Variants in CDK5RAP2 observed in about 807,000 individuals in gnomAD.
The protein encoded by CDK5RAP2 is CDK5 regulatory subunit-associated protein 2.
In CDK5RAP2, 147 loss-of-function variants were observed where a neutral mutation model predicts 232.9. The observed-to-expected ratio is 0.63, with a 90% CI of 0.55 to 0.72. CDK5RAP2 has a LOEUF of 0.72. CDK5RAP2 is among the 30% of genes least tolerant of loss of function. The probability of loss-of-function intolerance (pLI) is 0.00; values close to 1 mark genes in which losing one functional copy is unlikely to be tolerated. For synonymous variants in CDK5RAP2, 833 were observed against 833.7 expected (o/e 1.00, Z 0.01); for missense variants, 2,195 against 2,231.5 (o/e 0.98, Z 0.33).
At chr9:120,528,510 C>A (rs1444393591) in intron 9 of CDK5RAP2, among the ~76,000 whole-genome samples, 1 of 152,126 alleles carries the variant, frequency 6.6e-6, no homozygotes, top group Non-Finnish European at 1.5e-5. Flanking sequence ...AGGCAAGTGA[C>A]CTCACCTCTC....
Position 120,546,079 on chromosome 9 carries a change from A to T in CDK5RAP2, c.307-289T>A, listed in dbSNP as rs111755029. Among the ~76,000 whole-genome samples the T allele has an allele frequency of 8.7e-3, 1,331 of 152,328 alleles. 19 individuals carry two copies. The highest frequency in any genetic ancestry group is 0.03 in the African/African-American group (1,243 of 41,558). ...AAATATCAAGGCATAAATGTCATAC[A>T]AGGAAGGCTGATTTAAAAATTGTAT... On this transcript the variant is annotated intron_variant, in intron 4 of 37. Transcript: ENST00000349780.
chr9:120,394,206 G>A (rs1017551097), intron 36 of CDK5RAP2, among the ~76,000 whole-genome samples: 2 of 152,116 alleles, frequency 1.3e-5, no homozygotes, highest in South Asian at 2.1e-4. Context: ...CCACCTTGCC[G>A]GGACAGAGTG....
rs536738573 is a variant in CDK5RAP2, at chr9:120,514,429, T to G, written c.1311+3998A>C. ...AATAAGCATGTGACCCAAATTGGGA[T>G]TCTCAGTACATCACCCGTCTGGCCA... is the stretch of plus-strand genomic sequence containing the variant. On this transcript the variant is annotated intron_variant, in intron 12 of 37. Transcript: ENST00000349780. Among the ~76,000 whole-genome samples, 43 of 152,258 alleles carry G rather than the reference T, an allele frequency of 2.8e-4. No homozygotes were observed. The South Asian group carries it at 8.5e-3, about 30-fold the overall frequency.
chr9:120,553,744 A>G (rs4837779), intron 3 of CDK5RAP2, among the ~76,000 whole-genome samples: 128,305 of 152,164 alleles, frequency 0.84, 55,175 homozygotes, highest in Non-Finnish European at 0.93. Flanking sequence ...TGTATGTTAC[A>G]TTTCTTTTAA....
intron 14 of CDK5RAP2, among the ~76,000 whole-genome samples, chr9:120,479,305 G>A (rs2490595): frequency 0.022 from 3,342 of 152,046 alleles, 108 homozygotes; most frequent in African/African-American, 0.073. Flanking sequence ...ATCACCCTTC[G>A]CCAACCATCA....
intron 4 of CDK5RAP2, among the ~76,000 whole-genome samples, chr9:120,548,119 A>G (rs535968511): frequency 4.6e-5 from 7 of 152,342 alleles, no homozygotes; most frequent in African/African-American, 1.4e-4. Context: ...CTGTCAAACA[A>G]CAAGAATTAA....
At chr9:120,557,078 T>C (rs2042255649) in intron 3 of CDK5RAP2, among the ~76,000 whole-genome samples, 1 of 152,230 alleles carries the variant, frequency 6.6e-6, no homozygotes, top group East Asian at 1.9e-4. Context: ...AGAATATTTG[T>C]CCTATTTATA....
intron 25 of CDK5RAP2, among the ~76,000 whole-genome samples, chr9:120,434,174 A>G (rs997200003): frequency 6.6e-6 from 1 of 152,182 alleles, no homozygotes; most frequent in African/African-American, 2.4e-5. Context: ...GCTATTTCAT[A>G]AAGAGCTGTC....
At chr9:120,504,472 A>G (rs1322001817) in intron 12 of CDK5RAP2, among the ~76,000 whole-genome samples, 1 of 152,170 alleles carries the variant, frequency 6.6e-6, no homozygotes, top group Non-Finnish European at 1.5e-5. Flanking sequence ...AGTACTAAGA[A>G]AGGTATTCCT....
At position 120,562,501 on chromosome 9, in the gene CDK5RAP2, G is replaced by A. The variant is rs1402844462; in HGVS notation, c.195+5820C>T. Among the ~76,000 whole-genome samples the A allele has an allele frequency of 2.6e-5, 4 of 152,100 alleles. No homozygotes were observed. The East Asian group carries it at 7.7e-4, about 29-fold the overall frequency. ...CGTCAGGCTATATGTTGTGCACAGAGCTCCGTGGAAAGTGGCTATGACACT... is the reference window on the plus strand; with the variant it reads ...CGTCAGGCTATATGTTGTGCACAGAACTCCGTGGAAAGTGGCTATGACACT... On this transcript the variant is annotated intron_variant, in intron 3 of 37. Transcript: ENST00000349780.
At chr9:120,428,238 G>A (rs2035042566) in intron 25 of CDK5RAP2, among the ~76,000 whole-genome samples, 2 of 151,918 alleles carry the variant, frequency 1.3e-5, no homozygotes, top group Admixed American at 6.6e-5. Context: ...CTAGCAGAAG[G>A]CAAGAAATAA....
intron 25 of CDK5RAP2, 127 bp from the exon 26 acceptor site, chr9:120,422,868 G>C (rs917980980): frequency 2.8e-6 from 2 of 725,582 alleles, no homozygotes; most frequent in Admixed American, 2.0e-5. Context: ...AACAATCCTG[G>C]ATATTTAAAG....
At chr9:120,506,994 T>C (rs1018179649) in intron 12 of CDK5RAP2, among the ~76,000 whole-genome samples, 25 of 152,158 alleles carry the variant, frequency 1.6e-4, no homozygotes, top group Non-Finnish European at 5.9e-5. Context: ...TTACATGCCA[T>C]AGAGAAATAT....
intron 1 of CDK5RAP2, among the ~76,000 whole-genome samples, chr9:120,572,650 A>G (rs1297648004): frequency 3.3e-5 from 5 of 152,206 alleles, no homozygotes; most frequent in Non-Finnish European, 7.3e-5. Context: ...CTAACCCATA[A>G]TAGGAGGTGT....
At chr9:120,554,690 A>G (rs2042160899) in intron 3 of CDK5RAP2, among the ~76,000 whole-genome samples, 1 of 151,956 alleles carries the variant, frequency 6.6e-6, no homozygotes, top group African/African-American at 2.4e-5. Flanking sequence ...CTGGAGTGCA[A>G]TGGCGTAATC....
rs2036910484 is a variant in CDK5RAP2, at chr9:120,458,537, T to C, written c.2288A>G (p.His763Arg). The change falls in exon 20 of 38, where the codon CAC becomes CGC. Residue 763 changes from histidine (H) to arginine (R), a missense_variant. Physicochemically the swap from His to Arg is conservative, Grantham distance 29. Coordinates refer to ENST00000349780, the MANE Select transcript of CDK5RAP2 (RefSeq NM_018249.6). ...ESKISDCDGA[H>R]APGCLEEGAF... ...ACCTTCTTCTAGGCAGCCAGGTGCGTGGGCCCCATCACAATCTGAAATCTT... is the reference window on the plus strand; with the variant it reads ...ACCTTCTTCTAGGCAGCCAGGTGCGCGGGCCCCATCACAATCTGAAATCTT... The C allele has an allele frequency of 6.2e-7, 1 of 1,614,112 alleles. No homozygotes were observed. The highest frequency in any genetic ancestry group is 1.3e-5 in the African/African-American group (1 of 75,022).
rs546019347 is a variant in CDK5RAP2, at chr9:120,406,109, C to G, written c.4963+903G>C. The G allele has an allele frequency of 1.3e-4, 20 of 152,290 alleles. No individual in the cohort carries two copies. The Middle Eastern group carries it at 0.014, about 104-fold the overall frequency. 9.4% of individuals were successfully genotyped at this position (152,290 alleles called of 1,614,324 possible). A position where few individuals can be genotyped will look rare whatever the true frequency, so the allele number is the denominator to read the frequency against. The stretch of plus-strand genomic sequence containing the variant: ...AAATCAATGAACTAATCACTACGAG[C>G]GGACTGACCAGGTGCTCCTTAAGAG... On this transcript the variant is annotated intron_variant, in intron 32 of 37. Transcript: ENST00000349780.
At chr9:120,404,293 G>C (rs1160146458) in intron 32 of CDK5RAP2, among the ~76,000 whole-genome samples, 180 bp from the exon 33 acceptor site, 1 of 152,232 alleles carries the variant, frequency 6.6e-6, no homozygotes, top group East Asian at 1.9e-4. Flanking sequence ...CAGGGAGACA[G>C]AGTGACCAGG....
intron 12 of CDK5RAP2, among the ~76,000 whole-genome samples, chr9:120,497,625 CAAT>C (rs2039372195): frequency 1.3e-5 from 2 of 152,076 alleles, no homozygotes; most frequent in Non-Finnish European, 1.5e-5. Flanking sequence ...CTAACCTCAT[CAAT>C]AATGACAGAC....
Sources: gnomAD v4.1 joint callset for allele counts (sites outside exome capture counted in the v4.1 genomes callset) on GRCh38, gnomAD v4.1.1 for gene constraint, MANE v1.5 for transcripts, NCBI Gene and HGNC (gene_info 2026-07-23, HGNC 2026-07-21) for gene names.